The following TSPAN7 variants were observed in gnomAD, a reference collection of about 807,000 sequenced individuals.
The protein encoded by TSPAN7 is tetraspanin 7, also known as tetraspanin-7.
TSPAN7 carries 1 observed loss-of-function variant against 17.6 expected under a neutral mutation model. The observed-to-expected ratio is 0.06, with a 90% confidence interval of 0.02 to 0.27. The LOEUF is 0.27. Ranked by LOEUF, TSPAN7 falls within the 10% of genes least tolerant of loss-of-function variation. The probability of loss-of-function intolerance (pLI) is 1.00; values close to 1 mark genes in which losing one functional copy is unlikely to be tolerated. For missense variants in TSPAN7, 112 were observed against 201.7 expected (o/e 0.56, Z 2.69); for synonymous variants, 78 against 79.0 (o/e 0.99, Z 0.07).
At chrX:38,568,722 G>GT (rs949565201) in intron 1 of TSPAN7, among the ~76,000 whole-genome samples, 11 of 110,685 alleles carry the variant, frequency 9.9e-5, no homozygotes, top group African/African-American at 3.6e-4. Context: ...ATTTTCTTTT[G>GT]TTTTTTGTTT....
intron 2 of TSPAN7, among the ~76,000 whole-genome samples, chrX:38,669,544 G>C (rs1453745967): frequency 2.7e-5 from 3 of 111,856 alleles, no homozygotes; most frequent in Non-Finnish European, 1.9e-5. Flanking sequence ...CGTCCCAATA[G>C]GCTTTTGGCA....
chrX:38,666,401 C>A, intron 2 of TSPAN7, 92 bp downstream of exon 2: 2 of 933,880 alleles, frequency 2.1e-6, no homozygotes, highest in Non-Finnish European at 3.0e-6. Flanking sequence ...CTTGAGGTCA[C>A]AGACAAGACC....
At chrX:38,585,465 A>G (rs2147402686) in intron 1 of TSPAN7, among the ~76,000 whole-genome samples, 1 of 111,723 alleles carries the variant, frequency 9.0e-6, no homozygotes, top group African/African-American at 3.2e-5. Flanking sequence ...AACTTCTATA[A>G]GTTGAAAGAT....
intron 1 of TSPAN7, among the ~76,000 whole-genome samples, chrX:38,613,156 T>C (rs1472173853): frequency 1.8e-5 from 2 of 112,265 alleles, no homozygotes; most frequent in African/African-American, 6.5e-5. Context: ...AATTTTGGAG[T>C]AATATCTTCT....
At chrX:38,569,202 C>G (rs1399741526) in intron 1 of TSPAN7, among the ~76,000 whole-genome samples, 1 of 111,053 alleles carries the variant, frequency 9.0e-6, no homozygotes, top group Non-Finnish European at 1.9e-5. Flanking sequence ...GGTGATTTGG[C>G]TGGGCAGTTG....
chrX:38,619,883 G>A (rs1334451692), intron 1 of TSPAN7, among the ~76,000 whole-genome samples: 2 of 112,269 alleles, frequency 1.8e-5, no homozygotes, highest in East Asian at 5.6e-4. Context: ...GGAAGTATAT[G>A]CTTCAAACCA....
At chrX:38,673,981 C>A (rs937220093) in intron 3 of TSPAN7, among the ~76,000 whole-genome samples, 7 of 111,709 alleles carry the variant, frequency 6.3e-5, no homozygotes, top group African/African-American at 2.3e-4. Context: ...GTAGGTCATT[C>A]AGCAGGTCAG....
chrX:38,655,049 G>A, intron 1 of TSPAN7, among the ~76,000 whole-genome samples: 1 of 112,025 alleles, frequency 8.9e-6, no homozygotes, highest in Non-Finnish European at 1.9e-5. Context: ...GAACCAGTGG[G>A]GGCTGCAGGT....
chrX:38,656,707 C>G (rs2069707426), intron 1 of TSPAN7, among the ~76,000 whole-genome samples: 1 of 111,960 alleles, frequency 8.9e-6, no homozygotes, highest in Non-Finnish European at 1.9e-5. Flanking sequence ...ATTTATATAT[C>G]TGGGTCATCA....
chrX:38,686,804 T>C (rs2069929891), intron 6 of TSPAN7, among the ~76,000 whole-genome samples: 1 of 111,890 alleles, frequency 8.9e-6, no homozygotes, highest in Admixed American at 9.4e-5. Context: ...TCATCTTTAT[T>C]AGATTCACTT....
At chrX:38,565,756 T>A (rs2069139543) in intron 1 of TSPAN7, among the ~76,000 whole-genome samples, 2 of 112,177 alleles carry the variant, frequency 1.8e-5, no homozygotes, top group Admixed American at 1.9e-4. Context: ...GAGAGATTAT[T>A]GTTTTATCTG....
At chrX:38,642,076 C>T (rs966548848) in intron 1 of TSPAN7, among the ~76,000 whole-genome samples, 1 of 111,826 alleles carries the variant, frequency 8.9e-6, no homozygotes, top group Non-Finnish European at 1.9e-5. Context: ...TTTCTGTTTC[C>T]GGCATGCTCT....
chrX:38,563,568 G>C (rs900290052), intron 1 of TSPAN7, among the ~76,000 whole-genome samples: 3 of 111,296 alleles, frequency 2.7e-5, no homozygotes, highest in Non-Finnish European at 5.7e-5. Flanking sequence ...AGCTGGTAAA[G>C]AAGGGGGTCT....
intron 4 of TSPAN7, among the ~76,000 whole-genome samples, chrX:38,675,450 CG>C (rs758562396): frequency 8.9e-6 from 1 of 112,053 alleles, no homozygotes; most frequent in South Asian, 3.7e-4. Flanking sequence ...TGGACACAGA[CG>C]CACTGCTTTG....
intron 1 of TSPAN7, chrX:38,655,946 C>A: frequency 3.2e-6 from 1 of 310,490 alleles, no homozygotes; most frequent in Admixed American, 3.3e-5. Flanking sequence ...AGAAGTGTGC[C>A]ACTGTCAGAT....
intron 1 of TSPAN7, among the ~76,000 whole-genome samples, chrX:38,594,896 C>CT (rs1386383204): frequency 1.8e-5 from 2 of 110,887 alleles, no homozygotes; most frequent in East Asian, 5.7e-4. Context: ...TGTATTTTGC[C>CT]TTTTTTACTT....
At chrX:38,609,797 C>T (rs1275888095) in intron 1 of TSPAN7, among the ~76,000 whole-genome samples, 1 of 110,446 alleles carries the variant, frequency 9.1e-6, no homozygotes, top group African/African-American at 3.3e-5. Flanking sequence ...TAAAGCCGTT[C>T]TTGCCAATTC....
At chrX:38,566,553 C>T (rs948454634) in intron 1 of TSPAN7, among the ~76,000 whole-genome samples, 1 of 111,494 alleles carries the variant, frequency 9.0e-6, no homozygotes, top group Non-Finnish European at 1.9e-5. Flanking sequence ...TCTAGTCTAC[C>T]TGTAGTGATT....
intron 5 of TSPAN7, 129 bp downstream of exon 5, chrX:38,675,989 C>T: frequency 4.6e-6 from 4 of 863,964 alleles, no homozygotes; most frequent in Non-Finnish European, 6.6e-6. Flanking sequence ...CTTTGTGGTT[C>T]CTTGATTGCC....
Sources: allele counts gnomAD v4.1 joint callset (sites outside exome capture counted in the v4.1 genomes callset), GRCh38; gene constraint gnomAD v4.1.1; transcripts MANE v1.5; gene names NCBI Gene and HGNC (gene_info 2026-07-23, HGNC 2026-07-21).